Variants in PABPC4L observed in about 807,000 individuals in gnomAD.
The protein encoded by PABPC4L is polyadenylate-binding protein 4-like.
For synonymous variants in PABPC4L, 169 were observed against 164.1 expected (o/e 1.03, Z -0.23); for missense variants, 452 against 451.4 (o/e 1.00, Z -0.01).
At chr4:134,175,188 G>A in the PABPC4L span, among the ~76,000 whole-genome samples, 2 of 152,244 alleles carry the variant, frequency 1.3e-5, no homozygotes, top group African/African-American at 4.8e-5. Context: ...CCCGCGAAAA[G>A]TAGCTTTGAG....
At chr4:133,963,350 T>C in the PABPC4L span, among the ~76,000 whole-genome samples, 1 of 152,092 alleles carries the variant, frequency 6.6e-6, no homozygotes, top group South Asian at 2.1e-4. Flanking sequence ...AAACAATTAC[T>C]AATAGACCTA....
At chr4:134,119,710 C>G in the PABPC4L span, among the ~76,000 whole-genome samples, 1 of 151,766 alleles carries the variant, frequency 6.6e-6, no homozygotes, top group Non-Finnish European at 1.5e-5. Flanking sequence ...CAGAAACAAC[C>G]TATGTGCCCT....
At chr4:134,138,159 G>T in the PABPC4L span, among the ~76,000 whole-genome samples, 1 of 151,576 alleles carries the variant, frequency 6.6e-6, no homozygotes, top group East Asian at 1.9e-4. Flanking sequence ...TTTAAAATTA[G>T]ATACCTGAAT....
At chr4:133,966,608 A>G in the PABPC4L span, among the ~76,000 whole-genome samples, 1 of 152,188 alleles carries the variant, frequency 6.6e-6, no homozygotes, top group Non-Finnish European at 1.5e-5. Flanking sequence ...ATTTATATAC[A>G]ATGGAATACT....
chr4:134,164,928 T>G, the PABPC4L span, among the ~76,000 whole-genome samples: 1 of 152,064 alleles, frequency 6.6e-6, no homozygotes, highest in Non-Finnish European at 1.5e-5. Context: ...ATAAAAAAAG[T>G]AGATACATAG....
the PABPC4L span, among the ~76,000 whole-genome samples, chr4:134,130,056 C>T: frequency 2.2e-5 from 3 of 138,166 alleles, no homozygotes; most frequent in Non-Finnish European, 4.6e-5. Flanking sequence ...CAGAGCGAGA[C>T]TCTGTTTAAA....
the PABPC4L span, among the ~76,000 whole-genome samples, chr4:134,031,662 A>T: frequency 1.3e-5 from 2 of 151,922 alleles, no homozygotes; most frequent in Non-Finnish European, 2.9e-5. Context: ...AAACTTAGTC[A>T]CTTTGCAACT....
At chr4:134,039,753 G>A in the PABPC4L span, among the ~76,000 whole-genome samples, 4 of 151,996 alleles carry the variant, frequency 2.6e-5, no homozygotes, top group African/African-American at 4.8e-5. Context: ...GCAGCACACC[G>A]ATGGGTCTTG....
the PABPC4L span, among the ~76,000 whole-genome samples, chr4:134,059,386 C>CTATATATATA: frequency 2.0e-3 from 285 of 142,518 alleles, no homozygotes; most frequent in African/African-American, 2.8e-3. Context: ...AGGAAACAAA[C>CTATATATATA]TATATATATA....
chr4:134,027,155 T>A, the PABPC4L span, among the ~76,000 whole-genome samples: 1 of 152,216 alleles, frequency 6.6e-6, no homozygotes, highest in Admixed American at 6.6e-5. Flanking sequence ...ATTACTTCTC[T>A]GAGTAGATTA....
chr4:133,967,154 C>G, the PABPC4L span, among the ~76,000 whole-genome samples: 1 of 151,934 alleles, frequency 6.6e-6, no homozygotes, highest in East Asian at 1.9e-4. Context: ...ATCAAGAGTT[C>G]AGTTTTAAAT....
At chr4:134,072,078 G>A in the PABPC4L span, among the ~76,000 whole-genome samples, 1 of 151,954 alleles carries the variant, frequency 6.6e-6, no homozygotes, top group African/African-American at 2.4e-5. Context: ...GCAAAATTAG[G>A]ATGTCATTTC....
the PABPC4L span, among the ~76,000 whole-genome samples, chr4:134,013,457 T>C: frequency 2.0e-5 from 3 of 152,078 alleles, no homozygotes; most frequent in African/African-American, 7.2e-5. Flanking sequence ...CCTTAGCCTG[T>C]GTTCTTAAGA....
chr4:134,173,915 CT>C, the PABPC4L span, among the ~76,000 whole-genome samples: 1 of 151,918 alleles, frequency 6.6e-6, no homozygotes, highest in Non-Finnish European at 1.5e-5. Context: ...AACTTTTTTA[CT>C]TTTAAACTTT....
the PABPC4L span, among the ~76,000 whole-genome samples, chr4:134,043,021 C>T: frequency 6.6e-6 from 1 of 152,048 alleles, no homozygotes; most frequent in African/African-American, 2.4e-5. Flanking sequence ...GCATAGATTA[C>T]TTTGAAATCT....
chr4:133,954,711 A>T, the PABPC4L span, among the ~76,000 whole-genome samples: 9 of 152,166 alleles, frequency 5.9e-5, no homozygotes, highest in Non-Finnish European at 1.2e-4. Flanking sequence ...ATAAAATTAA[A>T]AATATGCAAA....
chr4:134,060,738 A>T, the PABPC4L span, among the ~76,000 whole-genome samples: 1 of 151,952 alleles, frequency 6.6e-6, no homozygotes, highest in Non-Finnish European at 1.5e-5. Flanking sequence ...TATTGTTCAG[A>T]TGTAAGAAGA....
At chr4:134,194,470 C>G (rs1391926613), downstream of PABPC4L, among the ~76,000 whole-genome samples, 2 of 151,668 alleles carry the variant, frequency 1.3e-5, no homozygotes, top group African/African-American at 4.8e-5. Flanking sequence ...AATATGTTAC[C>G]TAACCCCAGC....
chr4:134,016,676 G>A, the PABPC4L span, among the ~76,000 whole-genome samples: 2 of 152,010 alleles, frequency 1.3e-5, no homozygotes, highest in Non-Finnish European at 2.9e-5. Context: ...AGCCTCACAG[G>A]CCCATTCTAT....
Sources: gnomAD v4.1 joint callset for allele counts (sites outside exome capture counted in the v4.1 genomes callset) on GRCh38, gnomAD v4.1.1 for gene constraint, MANE v1.5 for transcripts, NCBI Gene and HGNC (gene_info 2026-07-23, HGNC 2026-07-21) for gene names.